CUX1: variants seen among roughly 807,000 people sequenced by gnomAD.
CUX1 encodes cut like homeobox 1.
A neutral mutation model predicts 158.8 loss-of-function variants in CUX1; 31 were observed. That is an observed-to-expected ratio of 0.20 (90% CI 0.15 to 0.26). CUX1 has a LOEUF of 0.26. Ranked by LOEUF, CUX1 falls within the 10% of genes least tolerant of loss-of-function variation. CUX1 has a pLI of 1.00. For missense variants in CUX1, 1,589 were observed against 2,014.6 expected (o/e 0.79, Z 4.04); for synonymous variants, 879 against 862.1 (o/e 1.02, Z -0.34).
rs896886881 is a variant in CUX1, at chr7:101,896,896, C to T, written c.31-19219C>T. 4.6e-5 allele frequency among the ~76,000 whole-genome samples: 7 copies of T among 152,310 alleles called. No individual in the cohort carries two copies. In the East Asian group the frequency reaches 1.4e-3, roughly 29 times the overall value. On this transcript the variant is annotated intron_variant, in intron 1 of 23. Coordinates refer to ENST00000292535, the MANE Select transcript of CUX1 (RefSeq NM_181552.4). ...TTTAGAGACGCACTCCCAGTAAGTT[C>T]TTACGAGCAGTCAGTATTATCCTTT... is the stretch of plus-strand genomic sequence containing the variant.
At chr7:102,130,368 G>A (rs568561329) in intron 8 of CUX1, among the ~76,000 whole-genome samples, 5 of 152,172 alleles carry the variant, frequency 3.3e-5, no homozygotes, top group African/African-American at 1.2e-4. Context: ...TCCTAAAGAG[G>A]GTTGGGAAAA....
At chr7:102,220,007 A>G (rs1299785715) in intron 20 of CUX1, among the ~76,000 whole-genome samples, 1 of 152,202 alleles carries the variant, frequency 6.6e-6, no homozygotes, top group African/African-American at 2.4e-5. Flanking sequence ...GGAGCTGGTC[A>G]TGCAAGGGTG....
chr7:101,817,916 C>T lies in CUX1; in HGVS notation c.30+247C>T, dbSNP rs1489721760. Among the ~76,000 whole-genome samples the T allele has an allele frequency of 2.6e-5, 4 of 152,182 alleles. No individual in the cohort carries two copies. The highest frequency in any genetic ancestry group is 1.9e-4 in the East Asian group (1 of 5,200). ...TGGTGACAGTGACCTACCGCAATACCTTTGGGAGCAAAGCTCGAGATGCAG... is the reference window on the plus strand; with the variant it reads ...TGGTGACAGTGACCTACCGCAATACTTTTGGGAGCAAAGCTCGAGATGCAG... On this transcript the variant is annotated intron_variant, in intron 1 of 23. Coordinates refer to ENST00000292535, the MANE Select transcript of CUX1 (RefSeq NM_181552.4). The surrounding 1 kb of genome is among the most constrained non-coding windows in gnomAD (Gnocchi z 4.1).
intron 23 of CUX1, among the ~76,000 whole-genome samples, chr7:102,242,205 C>CTTTTTTTTT (rs67514665): frequency 3.4e-4 from 32 of 93,062 alleles, no homozygotes; most frequent in African/African-American, 6.2e-4. Flanking sequence ...TTCTTTCTTT[C>CTTTTTTTTT]TTTTTTTTTT....
Position 102,255,244 on chromosome 7 carries a change from C to T in CUX1, c.*6202C>T, listed in dbSNP as rs906293910. On this transcript the variant is annotated 3_prime_UTR_variant, in exon 24 of 24. Coordinates refer to ENST00000292535, the MANE Select transcript of CUX1 (RefSeq NM_181552.4). Reference sequence around the variant, plus strand: ...CCACCACCTTCCCTCCAAAGATAACCGTGTCCATGCCATCCGTGGCATCAT... The same window carrying T: ...CCACCACCTTCCCTCCAAAGATAACTGTGTCCATGCCATCCGTGGCATCAT... The T allele has an allele frequency of 2.7e-5, 27 of 985,322 alleles. No individual in the cohort carries two copies. The highest frequency in any genetic ancestry group is 1.4e-4 in the South Asian group (3 of 21,290). 61.0% of individuals were successfully genotyped at this position (985,322 alleles called of 1,614,324 possible). A position where few individuals can be genotyped will look rare whatever the true frequency, so the allele number is the denominator to read the frequency against.
chr7:102,025,675 C>G (rs4727516), intron 2 of CUX1, among the ~76,000 whole-genome samples: 5 of 152,018 alleles, frequency 3.3e-5, no homozygotes, highest in Non-Finnish European at 7.4e-5. Flanking sequence ...ATTTTTTGTC[C>G]TGGAGCCTGG....
At chr7:101,899,092 T>G (rs937885938) in intron 1 of CUX1, among the ~76,000 whole-genome samples, 18 of 152,208 alleles carry the variant, frequency 1.2e-4, no homozygotes, top group African/African-American at 4.3e-4. Context: ...CTGGTCCAAG[T>G]TGCTTCCTGT....
chr7:102,280,061 C>T, exon 19 of CUX1: 1 of 1,610,238 alleles, frequency 6.2e-7, no homozygotes. Flanking sequence ...TGACACGGAG[C>T]TGCGGTACTC....
At chr7:102,181,037 G>A (rs1793032167) in intron 11 of CUX1, among the ~76,000 whole-genome samples, 2 of 151,552 alleles carry the variant, frequency 1.3e-5, no homozygotes, top group Admixed American at 1.3e-4. Flanking sequence ...TGCCTCCCAT[G>A]TTCAAGTGAT....
intron 2 of CUX1, among the ~76,000 whole-genome samples, chr7:101,946,918 C>T (rs1000600481): frequency 2.0e-5 from 3 of 152,030 alleles, no homozygotes; most frequent in South Asian, 4.1e-4. Flanking sequence ...CCAGTCTCTC[C>T]GTGAGCTCGG....
Position 102,253,757 on chromosome 7 carries a change from C to T in CUX1, c.*4715C>T, listed in dbSNP as rs1554540994. 6.0e-5 allele frequency: 59 copies of T among 985,356 alleles called. No homozygotes were observed. Among genetic ancestry groups the T allele is most frequent in the Non-Finnish European group, 6.7e-5 (56 of 829,988 alleles). The allele number at this position is 985,356 out of a possible 1,614,324, so 61.0% of individuals were successfully genotyped here. ...CCCATAGACCTTACTCATCCCAAGG[C>T]CGACAAGCCAGCTGTACAGGGCGAG... On this transcript the variant is annotated 3_prime_UTR_variant, in exon 24 of 24. Transcript: ENST00000292535.
chr7:101,990,594 C>T lies in CUX1; in HGVS notation c.142-37504C>T, dbSNP rs565329010. ...GTTTCACCATGTTGGCCAGGCTGATCGTGAACTCCTGACTTCAAGTGACGC... is the reference window on the plus strand; with the variant it reads ...GTTTCACCATGTTGGCCAGGCTGATTGTGAACTCCTGACTTCAAGTGACGC... On this transcript the variant is annotated intron_variant, in intron 2 of 23. Coordinates refer to ENST00000292535, the MANE Select transcript of CUX1 (RefSeq NM_181552.4). Among the ~76,000 whole-genome samples, 20 of 152,204 alleles carry T rather than the reference C, an allele frequency of 1.3e-4. No individual in the cohort carries two copies. The South Asian group carries it at 2.1e-3, about 16-fold the overall frequency.
intron 2 of CUX1, among the ~76,000 whole-genome samples, chr7:101,985,457 T>C (rs961235577): frequency 2.0e-5 from 3 of 152,210 alleles, no homozygotes; most frequent in Admixed American, 6.5e-5. Flanking sequence ...AGGTAGTGCC[T>C]GCAGGACTGC....
At chr7:101,821,680 T>C (rs1435442542) in intron 1 of CUX1, among the ~76,000 whole-genome samples, 5 of 106,644 alleles carry the variant, frequency 4.7e-5, no homozygotes, top group Admixed American at 1.8e-4. Context: ...TCTTTTTTTT[T>C]TTTTTTTTTT....
intron 6 of CUX1, 108 bp from the exon 7 acceptor site, chr7:102,111,590 C>A: frequency 2.0e-6 from 2 of 1,024,780 alleles, no homozygotes; most frequent in Non-Finnish European, 3.0e-6. Flanking sequence ...CGTGGTGCGC[C>A]TGCCGCCAGC....
intron 11 of CUX1, among the ~76,000 whole-genome samples, chr7:102,188,025 A>G (rs1793814622): frequency 6.6e-6 from 1 of 152,004 alleles, no homozygotes; most frequent in African/African-American, 2.4e-5. Context: ...CCTGGGCAAC[A>G]TAGCAAGACC....
At position 102,189,886 on chromosome 7, in the gene CUX1, C is replaced by T. The variant is rs1554516502; in HGVS notation, c.1076+15C>T. On this transcript the variant is annotated intron_variant, in intron 12 of 23. Coordinates refer to ENST00000292535, the MANE Select transcript of CUX1 (RefSeq NM_181552.4). ...AAAGAGCTGAAGTAAGTACGGAGAG[C>T]CCTGTGGCCCCTCACACGCTGGGGC... is the stretch of plus-strand genomic sequence containing the variant. 1.2e-6 allele frequency: 2 copies of T among 1,613,988 alleles called. No homozygotes were observed. Among genetic ancestry groups the T allele is most frequent in the Admixed American group, 3.3e-5 (2 of 60,020 alleles).
At chr7:102,146,340 G>A (rs962595364) in intron 8 of CUX1, among the ~76,000 whole-genome samples, 5 of 152,166 alleles carry the variant, frequency 3.3e-5, no homozygotes, top group Admixed American at 2.6e-4. Context: ...GGGGTCACAC[G>A]CTCTGGTGAG....
chr7:101,865,138 G>A (rs751124165), intron 1 of CUX1, among the ~76,000 whole-genome samples: 3 of 152,066 alleles, frequency 2.0e-5, no homozygotes, highest in Non-Finnish European at 2.9e-5. Flanking sequence ...AGGAGCCTGG[G>A]GCCTGGGTTC....
Sources: gnomAD v4.1 joint callset for allele counts (sites outside exome capture counted in the v4.1 genomes callset) on GRCh38, gnomAD v4.1.1 for gene constraint, Gnocchi (gnomAD v3.1) non-coding constraint, MANE v1.5 for transcripts, NCBI Gene and HGNC (gene_info 2026-07-23, HGNC 2026-07-21) for gene names.